The following LHX8 variants were observed in gnomAD, a reference collection of about 807,000 sequenced individuals.
The protein encoded by LHX8 is LIM homeobox 8, also known as LIM/homeobox protein Lhx8.
LHX8 carries 12 observed loss-of-function variants against 40.3 expected under a neutral mutation model. That is an observed-to-expected ratio of 0.30 (90% CI 0.19 to 0.48). LHX8 has a LOEUF of 0.48. LHX8 is among the 20% of genes least tolerant of loss of function. The probability of loss-of-function intolerance (pLI) is 0.99; values close to 1 mark genes in which losing one functional copy is unlikely to be tolerated. For missense variants in LHX8, 344 were observed against 433.7 expected, an observed-to-expected ratio of 0.79 and a Z score of 1.84; for synonymous variants, 179 against 162.0, an observed-to-expected ratio of 1.10 and a Z score of -0.80.
the LHX8 span, among the ~76,000 whole-genome samples, chr1:75,180,866 T>C: frequency 2.0e-5 from 3 of 152,172 alleles, no homozygotes; most frequent in African/African-American, 7.2e-5. Flanking sequence ...GACCTACAGA[T>C]GGGGTTTTGG....
upstream of LHX8, chr1:75,131,734 TTTTAGGGAGATACAC>T (rs1647967343): frequency 6.6e-6 from 1 of 152,158 alleles, no homozygotes; most frequent in Non-Finnish European, 1.5e-5. Context: ...CCCCATCTGT[TTTTAGGGAGATACAC>T]TCAAGGCTTC....
chr1:75,190,077 G>C, the LHX8 span, among the ~76,000 whole-genome samples: 2 of 152,110 alleles, frequency 1.3e-5, no homozygotes, highest in Admixed American at 1.3e-4. Context: ...AATGTTCAAT[G>C]CTCCAGGAAA....
chr1:75,147,815 A>G (rs1453819128), intron 6 of LHX8, among the ~76,000 whole-genome samples: 2 of 152,158 alleles, frequency 1.3e-5, no homozygotes, highest in Non-Finnish European at 2.9e-5. Context: ...TTGTGCTTAT[A>G]TTCTGGTACT....
chr1:75,135,452 C>T (rs373862356), intron 1 of LHX8, among the ~76,000 whole-genome samples: 22 of 152,220 alleles, frequency 1.4e-4, no homozygotes, highest in African/African-American at 4.3e-4. Flanking sequence ...AGTGCAGCTA[C>T]GCTGGGTCCC....
chr1:75,136,624 G>T lies in LHX8; in HGVS notation c.10G>T (p.Glu4Ter). Residue 4 changes from glutamate (E) to a stop codon, truncating the protein, a stop_gained, in exon 2 of 9, where the codon GAG (glutamate) becomes TAG (stop). Transcript: ENST00000356261. LOFTEE classifies it high-confidence loss of function. ...GCAGTGTCAGGGGCTCATGTCAGAG[G>T]AGTGCGGGCGGACTACAGCCCTGGC... is the stretch of plus-strand genomic sequence containing the variant. MSE[E>*]CGRTTALAAG... 6.5e-7 allele frequency: 1 copy of T among 1,550,036 alleles called. No individual in the cohort carries two copies. The highest frequency in any genetic ancestry group is 8.7e-7 in the Non-Finnish European group (1 of 1,146,714).
At chr1:75,145,683 G>C (rs1282188741) in intron 6 of LHX8, among the ~76,000 whole-genome samples, 1 of 152,088 alleles carries the variant, frequency 6.6e-6, no homozygotes, top group East Asian at 1.9e-4. Context: ...TCTTCATTTT[G>C]CTTGATCTTC....
At chr1:75,182,799 G>A in the LHX8 span, among the ~76,000 whole-genome samples, 7 of 152,154 alleles carry the variant, frequency 4.6e-5, no homozygotes, top group Admixed American at 3.3e-4. Flanking sequence ...TTGGCTATGT[G>A]AGATCCTTTT....
At chr1:75,164,738 T>C (rs1369118853), downstream of LHX8, among the ~76,000 whole-genome samples, 1 of 151,798 alleles carries the variant, frequency 6.6e-6, no homozygotes, top group Non-Finnish European at 1.5e-5. Flanking sequence ...TTTTTTTTTT[T>C]TTTTTTCCAG....
At chr1:75,173,550 T>G in the LHX8 span, among the ~76,000 whole-genome samples, 2 of 151,672 alleles carry the variant, frequency 1.3e-5, no homozygotes, top group Non-Finnish European at 2.9e-5. Flanking sequence ...GCCCAGCTAA[T>G]TTTTTGTATT....
intron 1 of LHX8, among the ~76,000 whole-genome samples, chr1:75,136,365 G>A (rs1270973429): frequency 6.6e-6 from 1 of 151,954 alleles, no homozygotes; most frequent in Non-Finnish European, 1.5e-5. Context: ...GAGACCCGGA[G>A]CCCGGGGAGC....
chr1:75,194,349 TG>T, the LHX8 span, among the ~76,000 whole-genome samples: 1 of 152,172 alleles, frequency 6.6e-6, no homozygotes, highest in African/African-American at 2.4e-5. Flanking sequence ...GGGTGTCCAC[TG>T]CAGTCTCCTG....
At chr1:75,179,613 G>T in the LHX8 span, among the ~76,000 whole-genome samples, 2 of 148,022 alleles carry the variant, frequency 1.4e-5, no homozygotes, top group African/African-American at 5.0e-5. Flanking sequence ...CCTGAATACA[G>T]CACTCTTGAT....
upstream of LHX8, chr1:75,132,523 T>C (rs527779207): frequency 6.6e-6 from 1 of 152,210 alleles, no homozygotes; most frequent in South Asian, 2.1e-4. Flanking sequence ...TAAAAATGAA[T>C]CATTTTCTCC....
intron 7 of LHX8, among the ~76,000 whole-genome samples, chr1:75,153,125 A>T (rs1435525988): frequency 4.7e-5 from 7 of 149,828 alleles, no homozygotes; most frequent in African/African-American, 1.7e-4. Flanking sequence ...TCTTTTTTTG[A>T]GATGGAGTCT....
the LHX8 span, among the ~76,000 whole-genome samples, chr1:75,196,678 C>T: frequency 1.6e-4 from 25 of 152,158 alleles, no homozygotes; most frequent in African/African-American, 5.5e-4. Context: ...ATTTTGGTAT[C>T]TGTATCTGCC....
intron 3 of LHX8, among the ~76,000 whole-genome samples, chr1:75,138,032 TG>T: frequency 6.6e-6 from 1 of 152,178 alleles, no homozygotes; most frequent in Non-Finnish European, 1.5e-5. Flanking sequence ...GTGTTTCAAG[TG>T]TGGTTTGAGA....
downstream of LHX8, among the ~76,000 whole-genome samples, chr1:75,162,206 A>C (rs1420767165): frequency 6.6e-6 from 1 of 152,102 alleles, no homozygotes; most frequent in African/African-American, 2.4e-5. Context: ...TATCTGCCTG[A>C]AACCAGAAGC....
chr1:75,191,758 A>T, the LHX8 span, among the ~76,000 whole-genome samples: 1 of 152,212 alleles, frequency 6.6e-6, no homozygotes, highest in African/African-American at 2.4e-5. Context: ...AAAGAATATT[A>T]AAAAGGATAT....
chr1:75,183,496 T>A, the LHX8 span, among the ~76,000 whole-genome samples: 43 of 152,130 alleles, frequency 2.8e-4, no homozygotes, highest in African/African-American at 1.0e-3. Flanking sequence ...AAAAAAATCT[T>A]CAACCAAGAA....
Sources: allele counts gnomAD v4.1 joint callset (sites outside exome capture counted in the v4.1 genomes callset), GRCh38; gene constraint gnomAD v4.1.1; transcripts MANE v1.5; gene names NCBI Gene and HGNC (gene_info 2026-07-23, HGNC 2026-07-21).